ING1: variants seen among roughly 807,000 people sequenced by gnomAD.
The protein encoded by ING1 is inhibitor of growth family member 1, also known as inhibitor of growth protein 1.
A neutral mutation model predicts 23.1 loss-of-function variants in ING1; 4 were observed. The observed-to-expected ratio is 0.17, with a 90% CI of 0.09 to 0.40. ING1 has a LOEUF of 0.40. Among genes scored for constraint, ING1 ranks in the 10% least tolerant of loss-of-function variants. The probability of loss-of-function intolerance (pLI) is 1.00; values close to 1 mark genes in which losing one functional copy is unlikely to be tolerated. For synonymous variants in ING1, 179 were observed against 166.4 expected (o/e 1.08, Z -0.58); for missense variants, 256 against 393.8 (o/e 0.65, Z 2.96).
intron 1 of ING1, among the ~76,000 whole-genome samples, chr13:110,716,635 A>G (rs1287671995): frequency 1.3e-5 from 2 of 152,274 alleles, no homozygotes; most frequent in Non-Finnish European, 2.9e-5. Context: ...AGTTCGCTTC[A>G]TAAAGAACTT....
At chr13:110,715,374 G>C in intron 1 of ING1, 1 of 1,499,052 alleles carries the variant, frequency 6.7e-7, no homozygotes, top group South Asian at 1.4e-5. Context: ...TAGCTTCGCA[G>C]CGAATTTTAT....
rs186957470 is a variant in ING1, at chr13:110,714,041, C to A, written c.-109C>A. 3,812 of 1,229,906 alleles carry A rather than the reference C, an allele frequency of 3.1e-3. 7 individuals carry two copies. Among genetic ancestry groups the A allele is most frequent in the Non-Finnish European group, 3.6e-3 (3,573 of 981,538 alleles). The allele number at this position is 1,229,906 out of a possible 1,614,324, so 76.2% of individuals were successfully genotyped here. Reference sequence around the variant, plus strand: ...GCCGAAGCAGGAGCCGGCGGGGGGGCGCCGGGAGAGCGAGGGCTTTGCATT... The same window carrying A: ...GCCGAAGCAGGAGCCGGCGGGGGGGAGCCGGGAGAGCGAGGGCTTTGCATT... On this transcript the variant is annotated 5_prime_UTR_variant, in exon 1 of 2. Coordinates refer to ENST00000333219, the MANE Select transcript of ING1 (RefSeq NM_198219.3).
At chr13:110,714,780 T>G (rs2139966492) in intron 1 of ING1, among the ~76,000 whole-genome samples, 1 of 152,258 alleles carries the variant, frequency 6.6e-6, no homozygotes, top group East Asian at 1.9e-4. Flanking sequence ...CCCCACTCAG[T>G]CCCGAATCTG....
upstream of ING1, chr13:110,713,006 A>T: frequency 6.5e-7 from 1 of 1,533,208 alleles, no homozygotes; most frequent in South Asian, 1.2e-5. Flanking sequence ...CTGCGGCCGC[A>T]GCTCAAAGGA....
intron 1 of ING1, among the ~76,000 whole-genome samples, chr13:110,716,677 T>C (rs2064126534): frequency 6.6e-6 from 1 of 152,210 alleles, no homozygotes; most frequent in South Asian, 2.1e-4. Context: ...TTAAAATACA[T>C]TTAAAATAAT....
Position 110,721,905 on chromosome 13 carries a change from A to G in ING1, c.*1973A>G, listed in dbSNP as rs2064174509. The G allele has an allele frequency of 6.6e-6, 1 of 152,204 alleles. No individual in the cohort carries two copies. The highest frequency in any genetic ancestry group is 1.5e-5 in the Non-Finnish European group (1 of 68,036). The allele number at this position is 152,204 out of a possible 1,614,324, so 9.4% of individuals were successfully genotyped here. ...GGTTCCCTTTAACTTCGCACATGGT[A>G]AAATCAGTTTCTTTCCATGATCTGT... On this transcript the variant is annotated 3_prime_UTR_variant, in exon 2 of 2. Transcript: ENST00000333219.
intron 1 of ING1, chr13:110,715,296 G>A: frequency 7.2e-7 from 1 of 1,380,202 alleles, no homozygotes; most frequent in Admixed American, 3.2e-5. Context: ...AAAAAAAATT[G>A]ACCGCTATCC....
chr13:110,712,933 G>A (rs756634141), upstream of ING1: 6 of 1,557,424 alleles, frequency 3.9e-6, no homozygotes, highest in East Asian at 4.8e-5. Context: ...CGCAGGCGCG[G>A]GAGCCGCCTA....
In ING1 at chr13:110,714,125, T is replaced by C; in HGVS notation, c.-25T>C. ...GGAGGAAGCGGAAAGCCGCGCCGAG[T>C]CGCCGGGGACCTCCGGGGTGAACCA... On this transcript the variant is annotated 5_prime_UTR_variant, in exon 1 of 2. Coordinates refer to ENST00000333219, the MANE Select transcript of ING1 (RefSeq NM_198219.3). 6.7e-7 allele frequency: 1 copy of C among 1,502,330 alleles called. No individual in the cohort carries two copies. Among genetic ancestry groups the C allele is most frequent in the Non-Finnish European group, 8.9e-7 (1 of 1,122,730 alleles). The allele number at this position is 1,502,330 out of a possible 1,614,324, so 93.1% of individuals were successfully genotyped here.
upstream of ING1, chr13:110,713,249 G>T (rs1013936990): frequency 5.9e-6 from 8 of 1,350,618 alleles, no homozygotes; most frequent in African/African-American, 7.4e-5. Flanking sequence ...TGCTCTGTGG[G>T]GCGGGGACGA....
upstream of ING1, chr13:110,713,490 G>A (rs1000849177): frequency 2.0e-6 from 2 of 987,488 alleles, no homozygotes; most frequent in African/African-American, 3.5e-5. Context: ...CCCTGACGCT[G>A]TCCCCTCCGC....
chr13:110,712,653 G>A (rs766769247), upstream of ING1: 2 of 607,144 alleles, frequency 3.3e-6, no homozygotes, highest in East Asian at 3.2e-5. Context: ...GGGGAGGGCG[G>A]TCCGGGGAGC....
upstream of ING1, chr13:110,713,029 G>A (rs1391131816): frequency 1.0e-5 from 15 of 1,494,374 alleles, no homozygotes; most frequent in East Asian, 7.4e-5. Context: ...CCGAGAGGGT[G>A]CCAGTGCGCA....
Position 110,719,149 on chromosome 13 carries a change from C to G in ING1, c.137-80C>G. On this transcript the variant is annotated intron_variant, in intron 1 of 1. Transcript: ENST00000333219. This position sits in a 1 kb window ranked among gnomAD's most constrained non-coding sequence, Gnocchi z 8.9. The stretch of plus-strand genomic sequence containing the variant: ...CTGGCCCCTAGGCTCCCTGCCAGCC[C>G]TCTCCGTAGACCCGTCCGGGGCCGT... The G allele has an allele frequency of 1.4e-6, 2 of 1,417,968 alleles. No homozygotes were observed. The highest frequency in any genetic ancestry group is 1.9e-6 in the Non-Finnish European group (2 of 1,030,360). The allele number at this position is 1,417,968 out of a possible 1,614,324, so 87.8% of individuals were successfully genotyped here.
upstream of ING1, chr13:110,713,556 C>A: frequency 1.0e-6 from 1 of 986,174 alleles, no homozygotes; most frequent in Non-Finnish European, 1.2e-6. Flanking sequence ...GAGGGCCGGC[C>A]TGGAGCCCGC....
intron 1 of ING1, chr13:110,715,112 C>A (rs958182397): frequency 1.8e-6 from 2 of 1,082,070 alleles, no homozygotes; most frequent in Non-Finnish European, 2.2e-6. Flanking sequence ...CCCCGGGTGT[C>A]AGAGAGAGGT....
rs558363855 is a variant in ING1 at position 110,715,112 on chromosome 13, CAG to C, written c.136+834_136+835del. ...CTGCAGACCTGGCCGCCCCGGGTGTCAGAGAGAGGTGGCGAGTTCGTGTCCGC... is the reference window on the plus strand; with the variant it reads ...CTGCAGACCTGGCCGCCCCGGGTGTCAGAGAGGTGGCGAGTTCGTGTCCGC... On this transcript the variant is annotated intron_variant, in intron 1 of 1. Coordinates refer to ENST00000333219, the MANE Select transcript of ING1 (RefSeq NM_198219.3). 20 of 1,082,186 alleles carry C rather than the reference CAG, an allele frequency of 1.8e-5. No individual in the cohort carries two copies. The South Asian group carries it at 5.6e-4, about 30-fold the overall frequency. 67.0% of individuals were successfully genotyped at this position (1,082,186 alleles called of 1,614,324 possible). A position where few individuals can be genotyped will look rare whatever the true frequency, so the allele number is the denominator to read the frequency against.
chr13:110,715,306 C>G, intron 1 of ING1: 14 of 1,399,086 alleles, frequency 1.0e-5, no homozygotes, highest in Non-Finnish European at 1.3e-5. Flanking sequence ...GACCGCTATC[C>G]CCGAAAGTAC....
chr13:110,715,360 G>GA, intron 1 of ING1: 24 of 1,489,122 alleles, frequency 1.6e-5, no homozygotes, highest in Non-Finnish European at 2.1e-5. Context: ...TTCTATCCGA[G>GA]ACGTAGCTTC....
Sources: allele counts gnomAD v4.1 joint callset (sites outside exome capture counted in the v4.1 genomes callset), GRCh38; gene constraint gnomAD v4.1.1; non-coding constraint Gnocchi (gnomAD v3.1); transcripts MANE v1.5; gene names NCBI Gene and HGNC (gene_info 2026-07-23, HGNC 2026-07-21).